The following ELOVL2 variants were observed in gnomAD, a reference collection of about 807,000 sequenced individuals.
ELOVL2 encodes very long chain fatty acid elongase 2.
In ELOVL2, 38 loss-of-function variants were observed where a neutral mutation model predicts 37.7. The ratio of observed to expected loss-of-function variants is 1.01; its 90% confidence interval spans 0.78 to 1.32. The LOEUF is 1.32. Ranked by LOEUF, ELOVL2 falls within the 40% of genes most tolerant of loss-of-function variation. ELOVL2 has a pLI of 0.00. For synonymous variants in ELOVL2, 115 were observed against 122.3 expected, an observed-to-expected ratio of 0.94 and a Z score of 0.40; for missense variants, 352 against 363.6, an observed-to-expected ratio of 0.97 and a Z score of 0.26.
At position 10,983,516 on chromosome 6, in the gene ELOVL2, C is replaced by T. The variant is rs576937672; in HGVS notation, c.*265G>A. 2.1e-5 allele frequency: 6 copies of T among 281,492 alleles called. No homozygotes were observed. The highest frequency in any genetic ancestry group is 2.1e-4 in the South Asian group (2 of 9,530). The allele number at this position is 281,492 out of a possible 1,614,324, so 17.4% of individuals were successfully genotyped here. A position where few individuals can be genotyped will look rare whatever the true frequency, so the allele number is the denominator to read the frequency against. On this transcript the variant is annotated 3_prime_UTR_variant, in exon 8 of 8. Transcript: ENST00000354666. ...AAGGCGTTATAAGGACAGCTTCTGG[C>T]GAAAGGTTCAGTCTGTGGGAGGGAG...
intron 1 of ELOVL2, among the ~76,000 whole-genome samples, chr6:11,028,188 T>C (rs1782866380): frequency 6.6e-6 from 1 of 152,236 alleles, no homozygotes; most frequent in Admixed American, 6.5e-5. Context: ...GTTGCTTTGG[T>C]TATAGGATGT....
intron 5 of ELOVL2, among the ~76,000 whole-genome samples, chr6:10,992,491 C>CTT (rs1284435757): frequency 6.6e-6 from 1 of 152,226 alleles, no homozygotes; most frequent in African/African-American, 2.4e-5. Flanking sequence ...GTCATCAACT[C>CTT]TTTGTAAAAC....
intron 7 of ELOVL2, among the ~76,000 whole-genome samples, chr6:10,986,517 C>T (rs932203114): frequency 1.1e-4 from 17 of 152,126 alleles, no homozygotes; most frequent in South Asian, 2.1e-4. Context: ...TTTTGAGATA[C>T]GTCCCATCAA....
intron 7 of ELOVL2, among the ~76,000 whole-genome samples, chr6:10,985,761 T>A (rs9468172): frequency 1.3e-5 from 2 of 152,064 alleles, no homozygotes; most frequent in African/African-American, 4.8e-5. Context: ...CCTTGTAGTA[T>A]AGTTTGAAGT....
At chr6:11,006,323 G>A (rs750767696) in intron 2 of ELOVL2, among the ~76,000 whole-genome samples, 2 of 152,200 alleles carry the variant, frequency 1.3e-5, no homozygotes, top group African/African-American at 4.8e-5. Context: ...TTACACTGCA[G>A]AGTGAATATT....
intron 1 of ELOVL2, among the ~76,000 whole-genome samples, chr6:11,035,592 G>A (rs1421387848): frequency 1.3e-5 from 2 of 152,086 alleles, no homozygotes. Flanking sequence ...CCACCTCTTG[G>A]TCCTGAACAC....
intron 1 of ELOVL2, among the ~76,000 whole-genome samples, chr6:11,014,243 C>A (rs1346050127): frequency 1.3e-5 from 2 of 152,102 alleles, no homozygotes; most frequent in African/African-American, 4.8e-5. Context: ...AGTTTTCCAC[C>A]CCCAGGTATC....
At chr6:10,995,817 C>G (rs945827008) in intron 4 of ELOVL2, among the ~76,000 whole-genome samples, 1 of 152,168 alleles carries the variant, frequency 6.6e-6, no homozygotes, top group African/African-American at 2.4e-5. Flanking sequence ...GAAACTGTCA[C>G]TCACATTTGC....
intron 4 of ELOVL2, among the ~76,000 whole-genome samples, chr6:10,995,466 C>T (rs891009290): frequency 1.7e-4 from 26 of 152,198 alleles, no homozygotes; most frequent in Non-Finnish European, 1.2e-4. Context: ...CAGGATCTCC[C>T]ATGGGCTTGG....
chr6:10,992,159 A>G (rs996677354), intron 5 of ELOVL2, among the ~76,000 whole-genome samples: 5 of 152,214 alleles, frequency 3.3e-5, no homozygotes, highest in Admixed American at 1.3e-4. Flanking sequence ...AAGGACAGAG[A>G]TCAATTCTTT....
chr6:10,997,803 G>C (rs777975751), intron 4 of ELOVL2, among the ~76,000 whole-genome samples: 2 of 152,120 alleles, frequency 1.3e-5, no homozygotes, highest in Non-Finnish European at 2.9e-5. Context: ...TACTCAAACT[G>C]AACAGTGAGT....
chr6:10,989,743 A>C lies in ELOVL2; in HGVS notation c.725T>G (p.Met242Arg), dbSNP rs1291565147. The C allele has an allele frequency of 6.2e-7, 1 of 1,614,094 alleles. No homozygotes were observed. The highest frequency in any genetic ancestry group is 2.2e-5 in the East Asian group (1 of 44,894). Residue 242 changes from methionine to arginine, a missense_variant, in exon 7 of 8, where the codon ATG (methionine) becomes AGG (arginine). By Grantham distance (91) the Met-to-Arg change is moderately conservative (BLOSUM62 -1). Transcript: ENST00000354666. ...TAAGAAGAGGATGACTAACGTTAGCATATAAGATGACTGGAAGATGAGACA... is the reference window on the plus strand; with the variant it reads ...TAAGAAGAGGATGACTAACGTTAGCCTATAAGATGACTGGAAGATGAGACA... The part of the protein sequence containing the change: ...FGCLIFQSSY[M>R]LTLVILFLNF...
At chr6:11,016,766 T>A (rs1364798458) in intron 1 of ELOVL2, among the ~76,000 whole-genome samples, 2 of 152,182 alleles carry the variant, frequency 1.3e-5, no homozygotes, top group South Asian at 2.1e-4. Context: ...GTCTCTCATG[T>A]ATTTGAAGAA....
In ELOVL2 at chr6:10,998,120, C is replaced by T. The variant is rs1782306737; in HGVS notation, c.333+1967G>A. Among the ~76,000 whole-genome samples, 2 of 152,066 alleles carry T rather than the reference C, an allele frequency of 1.3e-5. 1 individual carries two copies. Among genetic ancestry groups the T allele is most frequent in the South Asian group, 4.2e-4 (2 of 4,814 alleles). On this transcript the variant is annotated intron_variant, in intron 4 of 7. Transcript: ENST00000354666. ...CTCCCTCTCTTGCCATGTGACATGC[C>T]TGCTCCCCCTTCACCTTCCACCATG...
At chr6:10,994,709 G>A (rs907311062) in intron 5 of ELOVL2, among the ~76,000 whole-genome samples, 30 of 152,296 alleles carry the variant, frequency 2.0e-4, no homozygotes, top group African/African-American at 5.3e-4. Flanking sequence ...TCAAAACAGC[G>A]CCCGGGATTG....
chr6:10,994,334 G>A (rs578051348), intron 5 of ELOVL2, among the ~76,000 whole-genome samples: 4 of 151,840 alleles, frequency 2.6e-5, no homozygotes, highest in Admixed American at 1.3e-4. Flanking sequence ...TGGGCGTGGT[G>A]GTGGGCGCCT....
At chr6:11,037,821 T>A (rs1184409121) in intron 1 of ELOVL2, among the ~76,000 whole-genome samples, 1 of 152,232 alleles carries the variant, frequency 6.6e-6, no homozygotes, top group Non-Finnish European at 1.5e-5. Flanking sequence ...CAGGTTCCAT[T>A]TTCTGTATAT....
Position 10,995,129 on chromosome 6 carries a change from A to G in ELOVL2, c.383T>C (p.Leu128Pro), listed in dbSNP as rs1297524258. 3 of 1,613,574 alleles carry G rather than the reference A, an allele frequency of 1.9e-6. No individual in the cohort carries two copies. Among genetic ancestry groups the G allele is most frequent in the Non-Finnish European group, 2.5e-6 (3 of 1,179,708 alleles). Residue 128 changes from leucine to proline, a missense_variant, in exon 5 of 8, where the codon CTG (leucine) becomes CCG (proline). Leu to Pro is a moderately conservative substitution (Grantham distance 98). Coordinates refer to ENST00000354666, the MANE Select transcript of ELOVL2 (RefSeq NM_017770.4). ...WYYFSKSVEF[L>P]DTIFFVLRKK... is the part of the protein sequence containing the mutation. ...CCGCAAAACGAAGAAAATTGTGTCC[A>G]GGAACTCTACTGATTTGGAGAAATA...
chr6:10,995,957 TTG>T (rs1782261215), intron 4 of ELOVL2, among the ~76,000 whole-genome samples: 1 of 152,216 alleles, frequency 6.6e-6, no homozygotes, highest in African/African-American at 2.4e-5. Flanking sequence ...GCTACATCTT[TTG>T]TGTCTTTTCC....
Sources: allele counts gnomAD v4.1 joint callset (sites outside exome capture counted in the v4.1 genomes callset), GRCh38; gene constraint gnomAD v4.1.1; transcripts MANE v1.5; gene names NCBI Gene and HGNC (gene_info 2026-07-23, HGNC 2026-07-21).